CPNE4: variants seen among roughly 807,000 people sequenced by gnomAD.
CPNE4 encodes the protein copine 4.
In CPNE4, 25 loss-of-function variants were observed where a neutral mutation model predicts 67.9. That is an observed-to-expected ratio of 0.37 (90% confidence interval 0.27 to 0.51). The LOEUF is 0.51. CPNE4 is among the 20% of genes least tolerant of loss of function. The pLI is 0.93. For missense variants in CPNE4, 464 were observed against 690.8 expected, an observed-to-expected ratio of 0.67 and a Z score of 3.68; for synonymous variants, 242 against 244.9, an observed-to-expected ratio of 0.99 and a Z score of 0.11.
intron 7 of CPNE4, among the ~76,000 whole-genome samples, chr3:131,615,941 A>G (rs1940131951): frequency 7.6e-6 from 1 of 130,790 alleles, no homozygotes; most frequent in Non-Finnish European, 1.6e-5. Flanking sequence ...ACACACACAC[A>G]CACACACACA....
chr3:131,708,957 G>GATAGATATATATATATATAT (rs1553757019), intron 3 of CPNE4, among the ~76,000 whole-genome samples: 1 of 65,800 alleles, frequency 1.5e-5, no homozygotes, highest in Non-Finnish European at 3.2e-5. Flanking sequence ...AGGGCATAAA[G>GATAGATATATATATATATAT]ATATATATAT....
intron 2 of CPNE4, among the ~76,000 whole-genome samples, chr3:131,858,573 C>T (rs1402094770): frequency 1.3e-5 from 2 of 152,136 alleles, no homozygotes; most frequent in South Asian, 2.1e-4. Context: ...GGTATCATGA[C>T]ATTCTAAAAC....
intron 1 of CPNE4, among the ~76,000 whole-genome samples, chr3:132,021,904 T>G (rs1174661321): frequency 6.6e-6 from 1 of 152,192 alleles, no homozygotes; most frequent in African/African-American, 2.4e-5. Context: ...TTTCTCTCCA[T>G]CCAAGCAAAG....
chr3:131,660,432 G>C (rs1202514668), intron 7 of CPNE4, among the ~76,000 whole-genome samples: 1 of 152,132 alleles, frequency 6.6e-6, no homozygotes, highest in East Asian at 1.9e-4. Context: ...TGAAGAAAAG[G>C]GGATGGGATA....
intron 2 of CPNE4, among the ~76,000 whole-genome samples, chr3:131,894,363 T>A (rs77806233): frequency 0.015 from 2,252 of 151,890 alleles, 26 homozygotes; most frequent in Non-Finnish European, 0.022. Context: ...AAAGCAAATA[T>A]ATACAAATGG....
rs142198036 is a variant in CPNE4 at position 131,623,161 on chromosome 3, C to T, written c.682-35579G>A. Among the ~76,000 whole-genome samples the T allele has an allele frequency of 8.9e-3, 1,353 of 152,186 alleles. 8 individuals are homozygous for T. The highest frequency in any genetic ancestry group is 0.014 in the Non-Finnish European group (955 of 68,020). On this transcript the variant is annotated intron_variant, in intron 7 of 15. Coordinates refer to ENST00000429747, the MANE Select transcript of CPNE4 (RefSeq NM_130808.3). ...GTCCCCATTTCTACCTTTTGCTACACCATCAATTCTATTTTTATATCATCT... is the reference window on the plus strand; with the variant it reads ...GTCCCCATTTCTACCTTTTGCTACATCATCAATTCTATTTTTATATCATCT...
chr3:131,972,416 G>A (rs1448892672), intron 1 of CPNE4, among the ~76,000 whole-genome samples: 1 of 152,148 alleles, frequency 6.6e-6, no homozygotes. Context: ...TAGAACAAAT[G>A]CCAATCCCCA....
intron 7 of CPNE4, among the ~76,000 whole-genome samples, chr3:131,632,194 G>C (rs1380972267): frequency 1.3e-5 from 2 of 151,894 alleles, no homozygotes; most frequent in African/African-American, 4.8e-5. Flanking sequence ...ATTTTCAGTA[G>C]AGTCGGGGTT....
chr3:132,035,828 T>C (rs2074329641), upstream of CPNE4, among the ~76,000 whole-genome samples: 1 of 152,244 alleles, frequency 6.6e-6, no homozygotes. Context: ...GTAAAGTGAA[T>C]GACGGTCTCT....
chr3:131,948,603 G>A (rs2071629837), intron 1 of CPNE4, among the ~76,000 whole-genome samples: 1 of 152,186 alleles, frequency 6.6e-6, no homozygotes, highest in Non-Finnish European at 1.5e-5. Flanking sequence ...TACACTAGCT[G>A]TGTGTGATTT....
chr3:131,850,211 TG>T (rs2107641989), intron 2 of CPNE4, among the ~76,000 whole-genome samples: 1 of 152,258 alleles, frequency 6.6e-6, no homozygotes, highest in South Asian at 2.1e-4. Context: ...TTTAAAATAG[TG>T]CCTTCTCTTT....
At chr3:131,675,176 CTTGATA>C (rs1281637487) in intron 6 of CPNE4, among the ~76,000 whole-genome samples, 1 of 152,024 alleles carries the variant, frequency 6.6e-6, no homozygotes, top group Non-Finnish European at 1.5e-5. Flanking sequence ...AGATATGATA[CTTGATA>C]TTATTTCAGT....
chr3:132,026,837 T>A (rs1453310503), intron 1 of CPNE4, among the ~76,000 whole-genome samples: 1 of 151,384 alleles, frequency 6.6e-6, no homozygotes, highest in South Asian at 2.1e-4. Context: ...CTTATAGCCT[T>A]ATATATATGG....
At chr3:131,717,879 T>C (rs756101431) in intron 3 of CPNE4, among the ~76,000 whole-genome samples, 6,968 of 36,088 alleles carry the variant, frequency 0.19, 757 homozygotes, top group East Asian at 0.36. Flanking sequence ...CTTTCTTTTC[T>C]TTCTTTCTTT....
chr3:131,708,624 C>T (rs1320418854), intron 3 of CPNE4, among the ~76,000 whole-genome samples: 5 of 152,008 alleles, frequency 3.3e-5, no homozygotes, highest in Non-Finnish European at 7.4e-5. Context: ...GTCCCCAAGG[C>T]CAAGGGGGAG....
At chr3:131,903,056 G>A in intron 2 of CPNE4, among the ~76,000 whole-genome samples, 1 of 152,094 alleles carries the variant, frequency 6.6e-6, no homozygotes, top group East Asian at 1.9e-4. Context: ...TTCTTTCAGA[G>A]AAGTGGCTGA....
At chr3:131,766,895 T>A (rs1258788298) in intron 2 of CPNE4, among the ~76,000 whole-genome samples, 1 of 152,110 alleles carries the variant, frequency 6.6e-6, no homozygotes, top group African/African-American at 2.4e-5. Context: ...TGCTAATAAA[T>A]CAGTGATGCT....
chr3:131,882,723 A>AT (rs534737633), intron 2 of CPNE4, among the ~76,000 whole-genome samples: 37,024 of 135,946 alleles, frequency 0.27, 6,057 homozygotes, highest in African/African-American at 0.44. Flanking sequence ...GTTCTGCTCT[A>AT]TTTTTTTTTT....
chr3:132,033,696 T>C (rs1018054815), intron 1 of CPNE4, among the ~76,000 whole-genome samples: 2 of 152,232 alleles, frequency 1.3e-5, no homozygotes, highest in Non-Finnish European at 2.9e-5. Context: ...AATAGGGCCT[T>C]AAAGCCCACC....
Sources: allele counts gnomAD v4.1 joint callset (sites outside exome capture counted in the v4.1 genomes callset), GRCh38; gene constraint gnomAD v4.1.1; transcripts MANE v1.5; gene names NCBI Gene and HGNC (gene_info 2026-07-23, HGNC 2026-07-21).